Variants in ASTN2 observed in about 807,000 individuals in gnomAD.
ASTN2 encodes astrotactin 2.
A neutral mutation model predicts 139.8 loss-of-function variants in ASTN2; 54 were observed. The observed-to-expected ratio is 0.39, with a 90% CI of 0.31 to 0.48. The LOEUF is 0.48. ASTN2 is among the 20% of genes least tolerant of loss of function. ASTN2 has a pLI of 0.95. For synonymous variants in ASTN2, 756 were observed against 719.5 expected (o/e 1.05, Z -0.81); for missense variants, 1,565 against 1,725.1 (o/e 0.91, Z 1.64).
intron 9 of ASTN2, among the ~76,000 whole-genome samples, chr9:116,975,708 C>T (rs1009397679): frequency 3.9e-5 from 6 of 152,138 alleles, no homozygotes; most frequent in African/African-American, 4.8e-5. Context: ...GTTAAGAGCA[C>T]GGACTTTGAA....
intron 13 of ASTN2, among the ~76,000 whole-genome samples, chr9:116,748,944 C>G (rs1038128488): frequency 1.3e-5 from 2 of 152,146 alleles, no homozygotes; most frequent in Non-Finnish European, 2.9e-5. Flanking sequence ...ATGAGAAGAC[C>G]TATTCTCATG....
chr9:116,572,587 C>T (rs1341942657), intron 19 of ASTN2, among the ~76,000 whole-genome samples: 1 of 148,780 alleles, frequency 6.7e-6, no homozygotes, highest in East Asian at 1.9e-4. Flanking sequence ...GAAGGCTTCC[C>T]TGACCGCCTA....
chr9:117,265,444 GC>G (rs1833919103), intron 2 of ASTN2, among the ~76,000 whole-genome samples: 2 of 152,178 alleles, frequency 1.3e-5, no homozygotes, highest in African/African-American at 4.8e-5. Context: ...CCAGGCATGG[GC>G]AGAGGGGTAC....
intron 16 of ASTN2, among the ~76,000 whole-genome samples, chr9:116,711,625 C>T (rs1375568874): frequency 6.6e-6 from 1 of 152,116 alleles, no homozygotes; most frequent in Non-Finnish European, 1.5e-5. Context: ...CTGAACTTGG[C>T]TCTACCATAC....
intron 10 of ASTN2, among the ~76,000 whole-genome samples, chr9:116,913,908 A>G (rs1414064163): frequency 6.6e-6 from 1 of 151,572 alleles, no homozygotes. Context: ...CAGAAAATTC[A>G]CATTCACTTA....
At position 116,618,428 on chromosome 9, in the gene ASTN2, G is replaced by A; in HGVS notation, c.3251C>T (p.Ser1084Phe). 1.9e-6 allele frequency: 3 copies of A among 1,614,148 alleles called. No homozygotes were observed. The highest frequency in any genetic ancestry group is 2.5e-6 in the Non-Finnish European group (3 of 1,179,994). ...TGGCTGAACATCCACCCACTCCAAGGAGACCACAGTACTGGAGGGCTCCAC... is the reference window on the plus strand; with the variant it reads ...TGGCTGAACATCCACCCACTCCAAGAAGACCACAGTACTGGAGGGCTCCAC... ...PTVEPSSTVV[S>F]LEWVDVQPAI... Residue 1084 changes from serine (S) to phenylalanine (F), a missense_variant, in exon 19 of 23, where the codon TCC becomes TTC. Coordinates refer to ENST00000313400, the MANE Select transcript of ASTN2 (RefSeq NM_001365068.1).
chr9:117,373,729 A>G (rs1234097488), intron 1 of ASTN2, among the ~76,000 whole-genome samples: 1 of 152,204 alleles, frequency 6.6e-6, no homozygotes, highest in Non-Finnish European at 1.5e-5. Context: ...ATCTTTTATG[A>G]TCTGTATTTT....
intron 5 of ASTN2, among the ~76,000 whole-genome samples, chr9:117,086,303 G>A (rs112243500): frequency 1.3e-5 from 2 of 152,100 alleles, no homozygotes; most frequent in African/African-American, 2.4e-5. Context: ...GGCCGGGTGC[G>A]GTGGCTCACG....
chr9:117,206,335 G>A (rs150510338), intron 3 of ASTN2, among the ~76,000 whole-genome samples: 3 of 152,034 alleles, frequency 2.0e-5, no homozygotes, highest in Non-Finnish European at 4.4e-5. Context: ...ATCTCTATCC[G>A]ACCCCATTGC....
At chr9:116,492,819 A>T (rs1335229145) in intron 19 of ASTN2, among the ~76,000 whole-genome samples, 1 of 152,166 alleles carries the variant, frequency 6.6e-6, no homozygotes, top group African/African-American at 2.4e-5. Context: ...GGAGTTTAGT[A>T]CATTTCTAAT....
intron 3 of ASTN2, among the ~76,000 whole-genome samples, chr9:117,144,670 T>A (rs908483499): frequency 4.9e-5 from 1 of 20,278 alleles, no homozygotes; most frequent in Admixed American, 6.3e-4. Context: ...GTTTTTTTTT[T>A]TTTTTTTTTT....
At chr9:116,955,140 G>A (rs942739244) in intron 10 of ASTN2, among the ~76,000 whole-genome samples, 9 of 152,144 alleles carry the variant, frequency 5.9e-5, no homozygotes, top group African/African-American at 1.9e-4. Flanking sequence ...TTGTGACCTT[G>A]GCCAGGTGGC....
At chr9:117,358,707 G>A (rs1334788675) in intron 1 of ASTN2, among the ~76,000 whole-genome samples, 4 of 152,100 alleles carry the variant, frequency 2.6e-5, no homozygotes, top group Admixed American at 6.6e-5. Flanking sequence ...GCAGAGAAAC[G>A]AAGAAAGTTC....
chr9:117,217,663 T>C (rs907264909), intron 2 of ASTN2, among the ~76,000 whole-genome samples: 7 of 152,254 alleles, frequency 4.6e-5, no homozygotes, highest in Admixed American at 6.5e-5. Flanking sequence ...AGAGTCATAA[T>C]GCCACCTCAT....
intron 17 of ASTN2, among the ~76,000 whole-genome samples, chr9:116,644,940 C>G (rs1023126087): frequency 6.6e-6 from 1 of 152,110 alleles, no homozygotes; most frequent in East Asian, 1.9e-4. Flanking sequence ...GAAATGGAGA[C>G]CTAGACAGTA....
At chr9:117,353,837 A>T (rs963672180) in intron 1 of ASTN2, among the ~76,000 whole-genome samples, 1 of 152,182 alleles carries the variant, frequency 6.6e-6, no homozygotes, top group African/African-American at 2.4e-5. Flanking sequence ...ACTATGTGAC[A>T]TTCTGGAAAA....
intron 10 of ASTN2, among the ~76,000 whole-genome samples, chr9:116,943,224 G>T (rs1231185066): frequency 2.0e-5 from 3 of 152,162 alleles, no homozygotes; most frequent in Non-Finnish European, 2.9e-5. Context: ...GGCTCTAGGG[G>T]TGAAGGGGAA....
Position 116,597,299 on chromosome 9 carries a change from A to ATTTTTGTTTTTTTTTTTTT in ASTN2, c.3355+21024_3355+21025insAAAAAAAAAAAAACAAAAA, listed in dbSNP as rs1554718677. ...CAAAATATTCCATGACTTTTGATCT[A>ATTTTTGTTTTTTTTTTTTT]TTTTTTTTTTTTTTTTTTTTTTTTG... On this transcript the variant is annotated intron_variant, in intron 19 of 22. Transcript: ENST00000313400. Among the ~76,000 whole-genome samples the ATTTTTGTTTTTTTTTTTTT allele has an allele frequency of 4.2e-4, 32 of 75,538 alleles. 2 individuals carry two copies. Among genetic ancestry groups the ATTTTTGTTTTTTTTTTTTT allele is most frequent in the East Asian group, 4.9e-4 (1 of 2,046 alleles). The allele number at this position is 75,538 out of a possible 152,430, so 49.6% of individuals were successfully genotyped here.
intron 8 of ASTN2, among the ~76,000 whole-genome samples, chr9:116,976,456 T>G (rs1369726553): frequency 6.6e-6 from 1 of 152,232 alleles, no homozygotes; most frequent in Non-Finnish European, 1.5e-5. Context: ...ATTGATTACT[T>G]TGTTTGGACA....
Sources: allele counts gnomAD v4.1 joint callset (sites outside exome capture counted in the v4.1 genomes callset), GRCh38; gene constraint gnomAD v4.1.1; transcripts MANE v1.5; gene names NCBI Gene and HGNC (gene_info 2026-07-23, HGNC 2026-07-21).